SEPTIN9: variants seen among roughly 807,000 people sequenced by gnomAD.
The protein encoded by SEPTIN9 is septin-9.
A neutral mutation model predicts 56.6 loss-of-function variants in SEPTIN9; 13 were observed. The ratio of observed to expected loss-of-function variants is 0.23; its 90% confidence interval spans 0.15 to 0.37. The LOEUF (loss-of-function observed/expected upper bound fraction) is 0.37, where lower values mean the gene tolerates loss of function less well. SEPTIN9 is among the 10% of genes least tolerant of loss of function. The probability of loss-of-function intolerance (pLI) is 1.00; values close to 1 mark genes in which losing one functional copy is unlikely to be tolerated. For synonymous variants in SEPTIN9, 332 were observed against 334.1 expected (o/e 0.99, Z 0.07); for missense variants, 650 against 823.1 (o/e 0.79, Z 2.57).
chr17:77,424,042 A>G (rs1239902401), intron 3 of SEPTIN9, among the ~76,000 whole-genome samples: 1 of 152,204 alleles, frequency 6.6e-6, no homozygotes, highest in African/African-American at 2.4e-5. Flanking sequence ...CATTTTAGGG[A>G]CAACGCAAGG....
chr17:77,320,415 C>A, intron 2 of SEPTIN9: 2 of 1,383,906 alleles, frequency 1.4e-6, no homozygotes, highest in Non-Finnish European at 2.1e-6. Context: ...TTATTTATGC[C>A]TGGGGGAATA....
intron 2 of SEPTIN9, among the ~76,000 whole-genome samples, chr17:77,372,020 G>A (rs1366658477): frequency 6.6e-6 from 1 of 152,116 alleles, no homozygotes; most frequent in African/African-American, 2.4e-5. Context: ...GGTGGGGAGG[G>A]GCAAGTGGGC....
At chr17:77,315,023 C>T (rs2032644871) in intron 2 of SEPTIN9, among the ~76,000 whole-genome samples, 1 of 152,226 alleles carries the variant, frequency 6.6e-6, no homozygotes, top group Non-Finnish European at 1.5e-5. Flanking sequence ...GGCAGGTGAT[C>T]CGCACCTTTC....
Position 77,437,349 on chromosome 17 carries a change from C to G in SEPTIN9, c.721+34646C>G, listed in dbSNP as rs747300581. Among the ~76,000 whole-genome samples, 4 of 152,196 alleles carry G rather than the reference C, an allele frequency of 2.6e-5. No homozygotes were observed. The highest frequency in any genetic ancestry group is 5.9e-5 in the Non-Finnish European group (4 of 68,030). ...CGACCCCTCCCTTCTACACCCCCAC[C>G]CCACGCCCCCAGGAGCTCCCTATGG... is the stretch of plus-strand genomic sequence containing the variant. On this transcript the variant is annotated intron_variant, in intron 3 of 11. Transcript: ENST00000427177. The surrounding 1 kb of genome is among the most constrained non-coding windows in gnomAD (Gnocchi z 5.3).
Position 77,394,842 on chromosome 17 carries a change from T to C in SEPTIN9, c.77-7217T>C, listed in dbSNP as rs1232811563. On this transcript the variant is annotated intron_variant, in intron 2 of 11. Transcript: ENST00000427177. ...CTAAATAGGCCCAGGTCCAGGCTGC[T>C]CCTGTTTCGACCCCGCCATGGGCCT... Among the ~76,000 whole-genome samples the C allele has an allele frequency of 2.0e-5, 3 of 152,188 alleles. 1 individual carries two copies. Among genetic ancestry groups the C allele is most frequent in the African/African-American group, 7.2e-5 (3 of 41,436 alleles).
At position 77,319,683 on chromosome 17, in the gene SEPTIN9, C is replaced by T; in HGVS notation, c.76+12486C>T. ...AAGAAGGGCTGGGGCCAGCCCAGGA[C>T]AGAGGAAGGCGAGGCAGGCACGCAG... On this transcript the variant is annotated intron_variant, in intron 2 of 11. Transcript: ENST00000427177. The surrounding 1 kb of genome is among the most constrained non-coding windows in gnomAD (Gnocchi z 5.3). 9.4e-7 allele frequency: 1 copy of T among 1,066,020 alleles called. No homozygotes were observed. The allele number at this position is 1,066,020 out of a possible 1,614,324, so 66.0% of individuals were successfully genotyped here.
intron 1 of SEPTIN9, among the ~76,000 whole-genome samples, chr17:77,287,644 A>T (rs1006437085): frequency 2.9e-4 from 44 of 151,840 alleles, no homozygotes; most frequent in African/African-American, 1.0e-3. Context: ...TATCTCCCTG[A>T]CCCCACCCTG....
rs980486073 is a variant in SEPTIN9, at chr17:77,450,312, A to T, written c.722-31832A>T. Among the ~76,000 whole-genome samples the T allele has an allele frequency of 2.6e-5, 4 of 151,896 alleles. No individual in the cohort carries two copies. Among genetic ancestry groups the T allele is most frequent in the African/African-American group, 4.8e-5 (2 of 41,318 alleles). ...GGGGGTGCGGGATGGGAAAGGTAAG[A>T]GTGTGTGGAGCCCAGTCAGCACTCA... On this transcript the variant is annotated intron_variant, in intron 3 of 11. Coordinates refer to ENST00000427177, the MANE Select transcript of SEPTIN9 (RefSeq NM_001113491.2). The surrounding 1 kb of genome is among the most constrained non-coding windows in gnomAD (Gnocchi z 6.0).
intron 3 of SEPTIN9, among the ~76,000 whole-genome samples, chr17:77,422,365 A>G (rs528948036): frequency 1.3e-5 from 2 of 152,324 alleles, no homozygotes; most frequent in Non-Finnish European, 2.9e-5. Context: ...GGCGGCCAGG[A>G]CAGTAGCAGT....
chr17:77,498,986 G>T lies in SEPTIN9; in HGVS notation c.*328G>T, dbSNP rs1456835573. ...TTCGGTGTGCAGATCATCCGTCTGT[G>T]TGGGGTTCTCAGTGCCGGAGGCCTT... On this transcript the variant is annotated 3_prime_UTR_variant, in exon 12 of 12. Coordinates refer to ENST00000427177, the MANE Select transcript of SEPTIN9 (RefSeq NM_001113491.2). 7.4e-6 allele frequency: 4 copies of T among 543,022 alleles called. No homozygotes were observed. Among genetic ancestry groups the T allele is most frequent in the Non-Finnish European group, 1.4e-5 (4 of 281,410 alleles). The allele number at this position is 543,022 out of a possible 1,614,324, so 33.6% of individuals were successfully genotyped here. A position where few individuals can be genotyped will look rare whatever the true frequency, so the allele number is the denominator to read the frequency against.
At chr17:77,373,445 G>C (rs1281859349) in intron 2 of SEPTIN9, 2 of 1,482,062 alleles carry the variant, frequency 1.3e-6, no homozygotes, top group South Asian at 1.3e-5. Flanking sequence ...GGGCCCCGCC[G>C]GGGGCGCTTC....
intron 2 of SEPTIN9, among the ~76,000 whole-genome samples, chr17:77,339,535 A>C (rs1331151418): frequency 5.4e-5 from 8 of 147,162 alleles, no homozygotes; most frequent in Non-Finnish European, 8.9e-5. Flanking sequence ...TTTTTGATGG[A>C]GTCTCGCTGT....
intron 3 of SEPTIN9, chr17:77,444,793 G>A (rs939222142): frequency 2.0e-5 from 5 of 248,738 alleles, no homozygotes; most frequent in East Asian, 2.3e-4. Flanking sequence ...TGAGACGGGC[G>A]GACACCAGAT....
chr17:77,454,135 G>A (rs2038091869), intron 3 of SEPTIN9: 3 of 985,806 alleles, frequency 3.0e-6, no homozygotes, highest in African/African-American at 3.5e-5. Flanking sequence ...CCTCCCCGCC[G>A]GCCCCTCTCT....
intron 2 of SEPTIN9, among the ~76,000 whole-genome samples, chr17:77,309,681 C>A (rs1160282358): frequency 6.6e-6 from 1 of 152,040 alleles, no homozygotes; most frequent in Non-Finnish European, 1.5e-5. Flanking sequence ...ACATTTCTGG[C>A]AAAAGCTTAA....
At position 77,433,835 on chromosome 17, in the gene SEPTIN9, T is replaced by C. The variant is rs970868632; in HGVS notation, c.721+31132T>C. On this transcript the variant is annotated intron_variant, in intron 3 of 11. Transcript: ENST00000427177. The surrounding 1 kb of genome is among the most constrained non-coding windows in gnomAD (Gnocchi z 6.4). ...CGCCCCAGGCACTTGATGTTGCCTG[T>C]TCATTTTCCCTCTCTGCCCCTCCCG... 2.6e-5 allele frequency among the ~76,000 whole-genome samples: 4 copies of C among 151,456 alleles called. No individual in the cohort carries two copies. Among genetic ancestry groups the C allele is most frequent in the Admixed American group, 2.0e-4 (3 of 15,248 alleles).
chr17:77,482,774 G>T, intron 4 of SEPTIN9: 1 of 564,650 alleles, frequency 1.8e-6, no homozygotes, highest in East Asian at 2.9e-5. Flanking sequence ...CCCTGGAATT[G>T]GGGCCTCGTG....
chr17:77,319,822 G>A lies in SEPTIN9; in HGVS notation c.76+12625G>A. ...TGACTCTGTGAGTTGGTTTCCAAGAGTCTAAGTTAAGCATCTCCAAGTGGA... is the reference window on the plus strand; with the variant it reads ...TGACTCTGTGAGTTGGTTTCCAAGAATCTAAGTTAAGCATCTCCAAGTGGA... On this transcript the variant is annotated intron_variant, in intron 2 of 11. Transcript: ENST00000427177. The surrounding 1 kb of genome is among the most constrained non-coding windows in gnomAD (Gnocchi z 5.3). 3.7e-6 allele frequency: 4 copies of A among 1,078,474 alleles called. No individual in the cohort carries two copies. In the African/African-American group the frequency reaches 6.5e-5, roughly 18 times the overall value. The allele number at this position is 1,078,474 out of a possible 1,614,324, so 66.8% of individuals were successfully genotyped here.
At position 77,445,795 on chromosome 17, in the gene SEPTIN9, C is replaced by T. The variant is rs1383273431; in HGVS notation, c.722-36349C>T. The T allele has an allele frequency of 4.6e-6, 1 of 217,318 alleles. No individual in the cohort carries two copies. The highest frequency in any genetic ancestry group is 1.0e-5 in the Non-Finnish European group (1 of 96,208). 13.5% of individuals were successfully genotyped at this position (217,318 alleles called of 1,614,324 possible). On this transcript the variant is annotated intron_variant, in intron 3 of 11. Coordinates refer to ENST00000427177, the MANE Select transcript of SEPTIN9 (RefSeq NM_001113491.2). The surrounding 1 kb of genome is among the most constrained non-coding windows in gnomAD (Gnocchi z 4.7). ...TGGTGCTCCCTCCCCTGTGACCCTT[C>T]TGTTGGGTGGGTCACGAGGAAGGAC...
Sources: gnomAD v4.1 joint callset for allele counts (sites outside exome capture counted in the v4.1 genomes callset) on GRCh38, gnomAD v4.1.1 for gene constraint, Gnocchi (gnomAD v3.1) non-coding constraint, MANE v1.5 for transcripts, NCBI Gene and HGNC (gene_info 2026-07-23, HGNC 2026-07-21) for gene names.